Variants in BMX observed in about 807,000 individuals in gnomAD.
BMX encodes the protein BMX non-receptor tyrosine kinase.
A neutral mutation model predicts 59.2 loss-of-function variants in BMX; 31 were observed. That is an observed-to-expected ratio of 0.52 (90% CI 0.39 to 0.71). The LOEUF is 0.71. Ranked by LOEUF, BMX falls within the 30% of genes least tolerant of loss-of-function variation. The pLI is 0.00. For missense variants in BMX, 474 were observed against 491.7 expected (o/e 0.96, Z 0.34); for synonymous variants, 185 against 181.0 (o/e 1.02, Z -0.18).
rs911515880 is a variant in BMX, at chrX:15,534,427, T to C, written c.1147+88T>C. On this transcript the variant is annotated intron_variant, in intron 12 of 18. Coordinates refer to ENST00000348343, the MANE Select transcript of BMX (RefSeq NM_203281.3). ...TACTGATCCTCCTAATATTCTTAAT[T>C]ATATAGGGAACCATGAAAGTAGGAA... The C allele has an allele frequency of 1.3e-5, 11 of 851,511 alleles. No individual in the cohort carries two copies. In the East Asian group the frequency reaches 1.6e-4, roughly 13 times the overall value. 70.2% of individuals were successfully genotyped at this position (851,511 alleles called of 1,213,427 possible). A position where few individuals can be genotyped will look rare whatever the true frequency, so the allele number is the denominator to read the frequency against.
chrX:15,522,693 T>A, intron 7 of BMX, 106 bp downstream of exon 7: 1 of 1,085,990 alleles, frequency 9.2e-7, no homozygotes, highest in Non-Finnish European at 1.2e-6. Flanking sequence ...TAGGCTGTCC[T>A]CTCAGAAAAT....
At chrX:15,534,460 TC>T (rs1925239998) in intron 12 of BMX, 121 bp downstream of exon 12, 1 of 628,442 alleles carries the variant, frequency 1.6e-6, no homozygotes. Flanking sequence ...GAAAAAATCC[TC>T]TCAAGTCTTT....
At chrX:15,519,301 A>G (rs1924326596) in intron 6 of BMX, among the ~76,000 whole-genome samples, 1 of 112,344 alleles carries the variant, frequency 8.9e-6, no homozygotes, top group Admixed American at 9.4e-5. Flanking sequence ...TAAAAGCCAC[A>G]TAATTTTCAT....
chrX:15,521,464 A>C (rs1028742887), intron 6 of BMX, among the ~76,000 whole-genome samples: 4 of 112,297 alleles, frequency 3.6e-5, no homozygotes, highest in African/African-American at 1.3e-4. Context: ...ATTACTACAC[A>C]AATTTAGTGG....
At chrX:15,518,925 C>G (rs978104172) in intron 6 of BMX, among the ~76,000 whole-genome samples, 24 of 111,829 alleles carry the variant, frequency 2.1e-4, no homozygotes, top group Non-Finnish European at 3.6e-4. Context: ...GGATTTTCAG[C>G]CCTCAATCTT....
At chrX:15,541,488 A>ATTT (rs752873200) in intron 14 of BMX, among the ~76,000 whole-genome samples, 18 of 111,573 alleles carry the variant, frequency 1.6e-4, no homozygotes, top group African/African-American at 5.6e-4. Context: ...ATGTAAAATA[A>ATTT]TTTTTTAAAA....
intron 9 of BMX, among the ~76,000 whole-genome samples, chrX:15,526,963 A>C (rs1402317317): frequency 9.1e-6 from 1 of 109,742 alleles, no homozygotes; most frequent in Non-Finnish European, 1.9e-5. Flanking sequence ...ACCCGTTAAT[A>C]ATAACTTAAT....
intron 16 of BMX, 59 bp downstream of exon 16, chrX:15,543,194 C>A: frequency 9.2e-7 from 1 of 1,089,629 alleles, no homozygotes; most frequent in Non-Finnish European, 1.3e-6. Flanking sequence ...CATTTGAACA[C>A]CATCATAATT....
chrX:15,538,480 G>T (rs1925487500), intron 14 of BMX, among the ~76,000 whole-genome samples: 1 of 111,831 alleles, frequency 8.9e-6, no homozygotes, highest in South Asian at 3.7e-4. Flanking sequence ...AAAATTCCTA[G>T]CCTGCTAGAG....
At chrX:15,533,292 AACT>A (rs1166638042) in intron 11 of BMX, among the ~76,000 whole-genome samples, 1 of 111,548 alleles carries the variant, frequency 9.0e-6, no homozygotes, top group African/African-American at 3.3e-5. Flanking sequence ...TTCATCACCC[AACT>A]ACTAAGCCTA....
intron 14 of BMX, among the ~76,000 whole-genome samples, chrX:15,541,215 G>T (rs1233365890): frequency 9.0e-6 from 1 of 110,978 alleles, no homozygotes; most frequent in South Asian, 3.8e-4. Context: ...TCTTCAATTC[G>T]CAAGATTAAA....
chrX:15,527,505 A>T (rs1924853400), intron 9 of BMX, among the ~76,000 whole-genome samples: 1 of 110,129 alleles, frequency 9.1e-6, no homozygotes, highest in Non-Finnish European at 1.9e-5. Flanking sequence ...TGTCTCCTAG[A>T]TGTAAAGATT....
intron 1 of BMX, among the ~76,000 whole-genome samples, chrX:15,505,099 T>C (rs1923693127): frequency 8.9e-6 from 1 of 112,387 alleles, no homozygotes; most frequent in African/African-American, 3.2e-5. Flanking sequence ...GGGGAAGATA[T>C]TGCATTTCTA....
At chrX:15,532,565 T>TTTTAAA (rs1433945881) in intron 11 of BMX, among the ~76,000 whole-genome samples, 3 of 112,324 alleles carry the variant, frequency 2.7e-5, no homozygotes. Context: ...TCGGATCTTC[T>TTTTAAA]TTTAAATTTC....
intron 3 of BMX, among the ~76,000 whole-genome samples, chrX:15,510,375 T>C (rs62578899): frequency 0.022 from 2,415 of 111,559 alleles, 33 homozygotes; most frequent in Middle Eastern, 0.037. Flanking sequence ...ATACTTCCCA[T>C]TTGGAAAAAA....
chrX:15,553,677 C>G (rs1209336206), intron 18 of BMX, among the ~76,000 whole-genome samples: 1 of 112,115 alleles, frequency 8.9e-6, no homozygotes, highest in Non-Finnish European at 1.9e-5. Flanking sequence ...CTAAGATTAT[C>G]AGGCAGCACT....
At chrX:15,537,471 A>G (rs1925422897) in intron 14 of BMX, among the ~76,000 whole-genome samples, 166 bp downstream of exon 14, 1 of 112,177 alleles carries the variant, frequency 8.9e-6, no homozygotes, top group African/African-American at 3.2e-5. Flanking sequence ...ATTAAATCAA[A>G]TCAGTCTTAT....
intron 5 of BMX, 129 bp downstream of exon 5, chrX:15,516,360 A>T (rs1216549307): frequency 1.2e-6 from 1 of 857,857 alleles, no homozygotes; most frequent in Non-Finnish European, 1.6e-6. Context: ...ATGAAAATTC[A>T]GCCTTGCAGA....
intron 5 of BMX, among the ~76,000 whole-genome samples, 200 bp downstream of exon 5, chrX:15,516,431 AAC>A (rs1175466400): frequency 4.4e-5 from 5 of 112,458 alleles, no homozygotes; most frequent in Non-Finnish European, 9.4e-5. Flanking sequence ...TTAAGATAAT[AAC>A]AATATTAACA....
Sources: gnomAD v4.1 joint callset for allele counts (sites outside exome capture counted in the v4.1 genomes callset) on GRCh38, gnomAD v4.1.1 for gene constraint, MANE v1.5 for transcripts, NCBI Gene and HGNC (gene_info 2026-07-23, HGNC 2026-07-21) for gene names.